Variants in NEDD4 observed in about 807,000 individuals in gnomAD.
The protein encoded by NEDD4 is NEDD4 E3 ubiquitin protein ligase.
Under a neutral mutation model 144.9 loss-of-function variants are expected in NEDD4, and 99 were observed. That is an observed-to-expected ratio of 0.68 (90% confidence interval 0.58 to 0.81). The LOEUF (loss-of-function observed/expected upper bound fraction) is 0.81. NEDD4 is among the 30% of genes least tolerant of loss of function. The probability of loss-of-function intolerance (pLI) is 0.00; values close to 1 mark genes in which losing one functional copy is unlikely to be tolerated. For synonymous variants in NEDD4, 318 were observed against 350.6 expected (o/e 0.91, Z 1.04); for missense variants, 985 against 1,065.9 (o/e 0.92, Z 1.06).
rs2033025921 is a variant in NEDD4 at position 55,832,988 on chromosome 15, G to T, written c.2527+20C>A. The T allele has an allele frequency of 2.0e-6, 3 of 1,534,514 alleles. No homozygotes were observed. Among genetic ancestry groups the T allele is most frequent in the Non-Finnish European group, 1.8e-6 (2 of 1,116,726 alleles). On this transcript the variant is annotated intron_variant, in intron 27 of 28. Transcript: ENST00000435532. Reference sequence around the variant, plus strand: ...ATACGCATTATTCCATTTTTTTAATGATCTATGGAAAATCCTTACCGTATA... The same window carrying T: ...ATACGCATTATTCCATTTTTTTAATTATCTATGGAAAATCCTTACCGTATA...
intron 4 of NEDD4, among the ~76,000 whole-genome samples, chr15:55,931,682 T>C (rs2036785081): frequency 6.6e-6 from 1 of 152,196 alleles, no homozygotes; most frequent in South Asian, 2.1e-4. Flanking sequence ...ATAAAGAAAC[T>C]GAAGCAATAT....
intron 5 of NEDD4, among the ~76,000 whole-genome samples, chr15:55,909,148 C>A (rs1258663234): frequency 1.3e-5 from 2 of 152,142 alleles, no homozygotes; most frequent in Non-Finnish European, 2.9e-5. Context: ...CATCCTCGGG[C>A]CTAACTAGAA....
At chr15:55,964,262 A>C (rs1566971001) in intron 2 of NEDD4, among the ~76,000 whole-genome samples, 1 of 151,990 alleles carries the variant, frequency 6.6e-6, no homozygotes, top group African/African-American at 2.4e-5. Context: ...AGACTTTTAT[A>C]TATTAGCTAA....
intron 5 of NEDD4, among the ~76,000 whole-genome samples, chr15:55,886,466 G>A (rs1040168930): frequency 1.3e-5 from 2 of 152,040 alleles, no homozygotes; most frequent in East Asian, 1.9e-4. Context: ...GCCTTAAAAC[G>A]TTTTAAAAAA....
intron 18 of NEDD4, among the ~76,000 whole-genome samples, chr15:55,844,568 T>G (rs2033661631): frequency 6.6e-6 from 1 of 152,076 alleles, no homozygotes; most frequent in Admixed American, 6.6e-5. Context: ...TCACTAGGAG[T>G]GACACTTTGG....
intron 5 of NEDD4, among the ~76,000 whole-genome samples, chr15:55,900,274 C>T (rs186257690): frequency 1.3e-5 from 2 of 152,228 alleles, no homozygotes; most frequent in South Asian, 2.1e-4. Context: ...TGTTTTAGAG[C>T]GCATGGGAGC....
Position 55,860,334 on chromosome 15 carries a change from A to G in NEDD4, c.960+73T>C, listed in dbSNP as rs1322062030. On this transcript the variant is annotated intron_variant, in intron 11 of 28. Coordinates refer to ENST00000435532, the MANE Select transcript of NEDD4 (RefSeq NM_006154.4). Reference sequence around the variant, plus strand: ...CATTTAAGACAAAATTTTACATAAAAGTTAGTTGTTGAATAGTATAATATG... The same window carrying G: ...CATTTAAGACAAAATTTTACATAAAGGTTAGTTGTTGAATAGTATAATATG... The G allele has an allele frequency of 1.1e-4, 165 of 1,447,514 alleles. 1 individual carries two copies. The highest frequency in any genetic ancestry group is 3.8e-6 in the Non-Finnish European group (4 of 1,062,838). 89.7% of individuals were successfully genotyped at this position (1,447,514 alleles called of 1,614,324 possible).
chr15:55,934,979 C>T (rs1311683542), intron 4 of NEDD4, among the ~76,000 whole-genome samples: 1 of 146,622 alleles, frequency 6.8e-6, no homozygotes, highest in Non-Finnish European at 1.5e-5. Flanking sequence ...AGTGATTCTC[C>T]TGCCTCAGCC....
At chr15:55,840,042 A>ATATATATATAT (rs762826342) in intron 21 of NEDD4, among the ~76,000 whole-genome samples, 6 of 100,676 alleles carry the variant, frequency 6.0e-5, no homozygotes, top group Non-Finnish European at 1.0e-4. Context: ...ATATATATAT[A>ATATATATATAT]ACATTCATCA....
At chr15:55,843,333 G>T (rs1030672099) in intron 18 of NEDD4, among the ~76,000 whole-genome samples, 17 of 152,178 alleles carry the variant, frequency 1.1e-4, no homozygotes. Context: ...TACTATTATT[G>T]TCTTCATTTT....
intron 5 of NEDD4, among the ~76,000 whole-genome samples, chr15:55,874,517 C>A (rs1453470956): frequency 6.6e-6 from 1 of 152,112 alleles, no homozygotes; most frequent in African/African-American, 2.4e-5. Context: ...CACCAGAGTT[C>A]TTCCAAATCT....
intron 4 of NEDD4, among the ~76,000 whole-genome samples, chr15:55,947,045 A>T (rs1415174794): frequency 2.0e-5 from 3 of 152,190 alleles, no homozygotes; most frequent in Non-Finnish European, 2.9e-5. Flanking sequence ...AATGCCCACA[A>T]GAGAAAGCAG....
At chr15:55,906,712 C>G (rs1344305325) in intron 5 of NEDD4, among the ~76,000 whole-genome samples, 1 of 152,132 alleles carries the variant, frequency 6.6e-6, no homozygotes, top group Non-Finnish European at 1.5e-5. Context: ...AGCACACCAA[C>G]ATGGCACATG....
chr15:55,908,871 C>G (rs2036183388), intron 5 of NEDD4, among the ~76,000 whole-genome samples: 1 of 151,886 alleles, frequency 6.6e-6, no homozygotes, highest in Admixed American at 6.6e-5. Context: ...GAGACCTCAT[C>G]ATAAAAAAAC....
intron 4 of NEDD4, among the ~76,000 whole-genome samples, chr15:55,929,109 G>A (rs2036731800): frequency 1.3e-5 from 2 of 152,278 alleles, no homozygotes; most frequent in South Asian, 4.1e-4. Context: ...AGTGATGATG[G>A]AGGGCAGAGG....
chr15:55,905,108 A>C (rs2036046692), intron 5 of NEDD4: 1 of 308,036 alleles, frequency 3.2e-6, no homozygotes, highest in South Asian at 2.6e-5. Context: ...AAAAAAAAAG[A>C]AAAGAAAAGA....
intron 5 of NEDD4, chr15:55,915,954 T>C: frequency 1.2e-6 from 2 of 1,613,942 alleles, no homozygotes; most frequent in Non-Finnish European, 1.7e-6. Context: ...TGAAGTTTGA[T>C]AGGATCCTTT....
chr15:55,940,517 C>T (rs1472241897), intron 4 of NEDD4, among the ~76,000 whole-genome samples: 1 of 93,312 alleles, frequency 1.1e-5, no homozygotes, highest in Non-Finnish European at 2.5e-5. Context: ...CCTCCTCCCC[C>T]TTCTCTCTCT....
chr15:55,850,640 C>T lies in NEDD4; in HGVS notation c.1249G>A (p.Glu417Lys). The T allele has an allele frequency of 6.2e-7, 1 of 1,614,180 alleles. No homozygotes were observed. Among genetic ancestry groups the T allele is most frequent in the Non-Finnish European group, 8.5e-7 (1 of 1,180,036 alleles). ...TTAGGAAGGAATCCTTGCTCAATTT[C>T]AGATGGCTGGGTCACCTGCTGGCCT... Reference protein sequence around the residue: ...DSGQQVTQPSEIEQGFLPKGW... With the variant: ...DSGQQVTQPSKIEQGFLPKGW... Residue 417 changes from glutamate to lysine, a missense_variant, in exon 14 of 29, where the codon GAA becomes AAA. By Grantham distance (56) the Glu-to-Lys change is moderately conservative. Coordinates refer to ENST00000435532, the MANE Select transcript of NEDD4 (RefSeq NM_006154.4).
Sources: allele counts gnomAD v4.1 joint callset (sites outside exome capture counted in the v4.1 genomes callset), GRCh38; gene constraint gnomAD v4.1.1; transcripts MANE v1.5; gene names NCBI Gene and HGNC (gene_info 2026-07-23, HGNC 2026-07-21).